The following PRKDC variants were observed in gnomAD, a reference collection of about 807,000 sequenced individuals.
PRKDC encodes the protein protein kinase, DNA-activated, catalytic subunit.
PRKDC carries 82 observed loss-of-function variants against 486.9 expected under a neutral mutation model. The ratio of observed to expected loss-of-function variants is 0.17; its 90% CI spans 0.14 to 0.20. The LOEUF (loss-of-function observed/expected upper bound fraction) is 0.20. PRKDC is among the 10% of genes least tolerant of loss of function. The probability of loss-of-function intolerance (pLI) is 1.00; values close to 1 mark genes in which losing one functional copy is unlikely to be tolerated. For missense variants in PRKDC, 4,504 were observed against 5,038.2 expected (o/e 0.89, Z 3.21); for synonymous variants, 1,895 against 1,837.0 (o/e 1.03, Z -0.81).
At chr8:47,880,159 C>G (rs1429734653) in intron 38 of PRKDC, among the ~76,000 whole-genome samples, 3 of 152,160 alleles carry the variant, frequency 2.0e-5, no homozygotes, top group Admixed American at 2.0e-4. Context: ...TATACCTCAG[C>G]TTTGACTCTT....
chr8:47,834,747 G>C (rs2087974238), intron 58 of PRKDC, among the ~76,000 whole-genome samples: 1 of 145,166 alleles, frequency 6.9e-6, no homozygotes, highest in Non-Finnish European at 1.5e-5. Context: ...CTGGAGTGCA[G>C]TGGCGCGATC....
At chr8:47,842,973 T>C (rs2088182405) in intron 54 of PRKDC, among the ~76,000 whole-genome samples, 1 of 152,196 alleles carries the variant, frequency 6.6e-6, no homozygotes, top group Non-Finnish European at 1.5e-5. Context: ...GAGACCAGCC[T>C]GGGCAACATG....
At chr8:47,874,126 T>G (rs899930357) in intron 40 of PRKDC, among the ~76,000 whole-genome samples, 1 of 151,738 alleles carries the variant, frequency 6.6e-6, no homozygotes, top group Non-Finnish European at 1.5e-5. Flanking sequence ...TTTTTTTGTA[T>G]TTTTAGTAGA....
chr8:47,944,895 G>C (rs1228572309), intron 7 of PRKDC, among the ~76,000 whole-genome samples: 2 of 152,152 alleles, frequency 1.3e-5, no homozygotes, highest in Non-Finnish European at 2.9e-5. Context: ...CATCTGTATG[G>C]TTGCAGAATG....
rs1384978879 is a variant in PRKDC, at chr8:47,897,284, G to T, written c.3475C>A (p.Pro1159Thr). Residue 1159 changes from proline to threonine, a missense_variant, in exon 30 of 86, where the codon CCT (proline) becomes ACT (threonine). This residue lies in a region of PRKDC where 1,969 missense variants were observed against 2,068.9 expected (regional missense o/e 0.95). Coordinates refer to ENST00000314191, the MANE Select transcript of PRKDC (RefSeq NM_006904.7). ...KKRRLPRGFP[P>T]SASLCLLDLV... ...TCCAATAAACACAATGATGCGGAAG[G>T]TGGAAATCCTCTGCACAGAGACAGC... 1 of 1,591,118 alleles carries T rather than the reference G, an allele frequency of 6.3e-7. No homozygotes were observed. The highest frequency in any genetic ancestry group is 1.1e-5 in the South Asian group (1 of 89,374).
intron 34 of PRKDC, 89 bp from the exon 35 acceptor site, chr8:47,887,794 C>G: frequency 7.4e-7 from 1 of 1,347,996 alleles, no homozygotes; most frequent in Admixed American, 2.7e-5. Flanking sequence ...AAAAAACCCA[C>G]TTCAGATAGC....
chr8:47,943,152 G>A (rs955195277), intron 10 of PRKDC, 57 bp downstream of exon 10: 2 of 1,558,038 alleles, frequency 1.3e-6, no homozygotes, highest in African/African-American at 1.4e-5. Context: ...CATGCAAAGG[G>A]AATTTAATTC....
Position 47,881,999 on chromosome 8 carries a change from G to C in PRKDC, c.4875C>G (p.His1625Gln). ...CCCACCATGAATCACACTTCTTCCA[G>C]TGTTGCAGAATTGTAGTCGCAAGTT... The part of the protein sequence containing the change: ...GLKLATTILQ[H>Q]WKKCDSWWAK... The change falls in exon 37 of 86, where the codon CAC becomes CAG. Residue 1625 changes from histidine (H) to glutamine (Q), a missense_variant. Physicochemically the swap from His to Gln is conservative, Grantham distance 24. This residue lies in a region of PRKDC where 1,969 missense variants were observed against 2,068.9 expected (regional missense o/e 0.95). Transcript: ENST00000314191. 1.2e-6 allele frequency: 2 copies of C among 1,614,040 alleles called. No homozygotes were observed. Among genetic ancestry groups the C allele is most frequent in the Non-Finnish European group, 1.7e-6 (2 of 1,179,890 alleles).
chr8:47,818,297 T>C (rs1037944188), intron 67 of PRKDC, among the ~76,000 whole-genome samples: 11 of 152,022 alleles, frequency 7.2e-5, no homozygotes, highest in South Asian at 6.2e-4. Context: ...CTAGGTAATA[T>C]TGGCCAGGCA....
In PRKDC at chr8:47,851,445, T is replaced by C. The variant is rs544914316; in HGVS notation, c.7005+1228A>G. Among the ~76,000 whole-genome samples, 87 of 152,330 alleles carry C rather than the reference T, an allele frequency of 5.7e-4. 1 individual carries two copies. The highest frequency in any genetic ancestry group is 3.9e-3 in the South Asian group (19 of 4,832). On this transcript the variant is annotated intron_variant, in intron 52 of 85. Coordinates refer to ENST00000314191, the MANE Select transcript of PRKDC (RefSeq NM_006904.7). ...ATATTTGATCTTCCCAAAGGGGTCATCTTAATTTTATTTTAAATCCAAACA... is the reference window on the plus strand; with the variant it reads ...ATATTTGATCTTCCCAAAGGGGTCACCTTAATTTTATTTTAAATCCAAACA...
chr8:47,916,326 T>C (rs1269143792), intron 22 of PRKDC, among the ~76,000 whole-genome samples: 1 of 151,802 alleles, frequency 6.6e-6, no homozygotes, highest in Non-Finnish European at 1.5e-5. Context: ...CACGCACCTG[T>C]AATCCCAGCT....
rs144786027 is a variant in PRKDC at position 47,835,970 on chromosome 8, G to A, written c.7951+368C>T. 7.4e-3 allele frequency among the ~76,000 whole-genome samples: 1,124 copies of A among 152,238 alleles called. 7 individuals carry two copies. Among genetic ancestry groups the A allele is most frequent in the Non-Finnish European group, 0.011 (756 of 68,010 alleles). On this transcript the variant is annotated intron_variant, in intron 58 of 85. Transcript: ENST00000314191. ...TTTTGTAGAGATGGAGTCTTTCCAT[G>A]TTGCCCAGGCTGGTGCGGAACTCCT...
chr8:47,913,620 T>C (rs1456060632), intron 24 of PRKDC, among the ~76,000 whole-genome samples: 1 of 152,214 alleles, frequency 6.6e-6, no homozygotes, highest in African/African-American at 2.4e-5. Context: ...CTCAAACTCC[T>C]GACCTCAAGT....
Position 47,943,198 on chromosome 8 carries a change from A to T in PRKDC, c.966+11T>A. The T allele has an allele frequency of 6.2e-7, 1 of 1,607,316 alleles. No homozygotes were observed. The highest frequency in any genetic ancestry group is 8.5e-7 in the Non-Finnish European group (1 of 1,177,812). On this transcript the variant is annotated intron_variant, in intron 10 of 85. Coordinates refer to ENST00000314191, the MANE Select transcript of PRKDC (RefSeq NM_006904.7). ...AGAAATATTGTTAAATGACAGTTGA[A>T]TTTGTGGTACCTGTTTCAGAAAGGA... is the stretch of plus-strand genomic sequence containing the variant.
chr8:47,815,567 A>C (rs1176928893), intron 68 of PRKDC, among the ~76,000 whole-genome samples: 1 of 152,224 alleles, frequency 6.6e-6, no homozygotes, highest in African/African-American at 2.4e-5. Context: ...ACACAAAATA[A>C]ATAAGGACAG....
At chr8:47,826,471 CTTG>C (rs1335420929) in intron 63 of PRKDC, among the ~76,000 whole-genome samples, 182 bp downstream of exon 63, 1 of 152,240 alleles carries the variant, frequency 6.6e-6, no homozygotes, top group African/African-American at 2.4e-5. Flanking sequence ...CAAGACATTA[CTTG>C]TTGTGGCAAC....
Position 47,936,430 on chromosome 8 carries a change from C to T in PRKDC, c.1201G>A (p.Asp401Asn). The T allele has an allele frequency of 6.2e-7, 1 of 1,614,046 alleles. No individual in the cohort carries two copies. The highest frequency in any genetic ancestry group is 1.1e-5 in the South Asian group (1 of 91,082). ...TGATAAACACGGTCGTCACCAGTGTCTGTCTGGGTGAGGAACATCTGCTTG... is the reference window on the plus strand; with the variant it reads ...TGATAAACACGGTCGTCACCAGTGTTTGTCTGGGTGAGGAACATCTGCTTG... ...RCKQMFLTQT[D>N]TGDDRVYQMP... Residue 401 changes from aspartate to asparagine, a missense_variant, in exon 12 of 86, where the codon GAC (aspartate) becomes AAC (asparagine). Physicochemically the swap from Asp to Asn is conservative, Grantham distance 23. This residue lies in a region of PRKDC where 1,969 missense variants were observed against 2,068.9 expected (regional missense o/e 0.95). Coordinates refer to ENST00000314191, the MANE Select transcript of PRKDC (RefSeq NM_006904.7).
chr8:47,793,683 T>TAAAAAAAA (rs397892514), intron 74 of PRKDC, among the ~76,000 whole-genome samples: 5 of 72,806 alleles, frequency 6.9e-5, no homozygotes, highest in East Asian at 3.9e-4. Flanking sequence ...TTAAAAAAAC[T>TAAAAAAAA]AAAAAAAAAA....
intron 54 of PRKDC, among the ~76,000 whole-genome samples, chr8:47,843,161 C>T (rs1407811017): frequency 2.0e-5 from 3 of 151,926 alleles, no homozygotes; most frequent in Non-Finnish European, 4.4e-5. Flanking sequence ...ACAGCAAGAC[C>T]CTGTCGAAAA....
Sources: gnomAD v4.1 joint callset for allele counts (sites outside exome capture counted in the v4.1 genomes callset) on GRCh38, gnomAD v4.1.1 for gene constraint, gnomAD v4.1.1 regional missense constraint, MANE v1.5 for transcripts, NCBI Gene and HGNC (gene_info 2026-07-23, HGNC 2026-07-21) for gene names.